Variants in FBLN2 observed in about 807,000 individuals in gnomAD.
FBLN2 encodes the protein fibulin 2.
A neutral mutation model predicts 123.7 loss-of-function variants in FBLN2; 81 were observed. The observed-to-expected ratio is 0.65, with a 90% CI of 0.55 to 0.79. FBLN2 has a LOEUF of 0.79. FBLN2 is among the 30% of genes least tolerant of loss of function. FBLN2 has a pLI of 0.00. For synonymous variants in FBLN2, 699 were observed against 701.4 expected, an observed-to-expected ratio of 1.00 and a Z score of 0.05; for missense variants, 1,603 against 1,681.3, an observed-to-expected ratio of 0.95 and a Z score of 0.81.
Position 13,571,489 on chromosome 3 carries a change from G to A in FBLN2, c.1134G>A (p.Arg378=), listed in dbSNP as rs113071988. 6.6e-3 allele frequency: 10,676 copies of A among 1,613,606 alleles called. 156 individuals are homozygous for A. The highest frequency in any genetic ancestry group is 0.045 in the South Asian group (4,065 of 90,980). Residue 378 remains arginine (R), a synonymous_variant, in exon 2 of 18, where the codon AGG becomes AGA. Coordinates refer to ENST00000404922, the MANE Select transcript of FBLN2 (RefSeq NM_001004019.2). The part of the protein sequence containing the change: ...VPTQAVPGSP[R]DPVKPSPHNI... The stretch of plus-strand genomic sequence containing the variant: ...CTCAGGCCGTGCCTGGCTCTCCCAG[G>A]GACCCAGTCAAGCCCAGCCCCCACA...
intron 1 of FBLN2, among the ~76,000 whole-genome samples, chr3:13,569,986 G>A (rs1415792598): frequency 6.6e-6 from 1 of 152,108 alleles, no homozygotes; most frequent in Non-Finnish European, 1.5e-5. Context: ...GCATGTGTGT[G>A]TGTGGGCACG....
At chr3:13,605,561 C>T (rs915615084) in intron 2 of FBLN2, among the ~76,000 whole-genome samples, 2 of 152,230 alleles carry the variant, frequency 1.3e-5, no homozygotes, top group East Asian at 3.9e-4. Flanking sequence ...CTGACAGCTC[C>T]TGCATGTAGC....
intron 2 of FBLN2, among the ~76,000 whole-genome samples, chr3:13,605,670 C>T (rs1396050335): frequency 2.0e-5 from 3 of 152,184 alleles, no homozygotes; most frequent in African/African-American, 7.2e-5. Flanking sequence ...CATCCTTGTA[C>T]TGGTTGTGTT....
At chr3:13,587,011 G>A (rs956234306) in intron 2 of FBLN2, among the ~76,000 whole-genome samples, 1 of 151,386 alleles carries the variant, frequency 6.6e-6, no homozygotes, top group Non-Finnish European at 1.5e-5. Context: ...CGGTCACAGT[G>A]GCGCAGGGCT....
At chr3:13,561,521 G>A (rs1703606491) in intron 1 of FBLN2, among the ~76,000 whole-genome samples, 3 of 152,078 alleles carry the variant, frequency 2.0e-5, no homozygotes, top group Admixed American at 1.3e-4. Flanking sequence ...GTGTCAGGCT[G>A]GTTTCTGCCT....
In FBLN2 at chr3:13,571,425, C is replaced by T. The variant is rs749401663; in HGVS notation, c.1070C>T (p.Thr357Met). 2.9e-5 allele frequency: 47 copies of T among 1,612,796 alleles called. No individual in the cohort carries two copies. The South Asian group carries it at 3.0e-4, about 10-fold the overall frequency. Residue 357 changes from threonine to methionine, a missense_variant, in exon 2 of 18, where the codon ACG (threonine) becomes ATG (methionine). Thr to Met is a moderately conservative substitution (Grantham distance 81). Transcript: ENST00000404922. ...CGCAGCACTGGGCCGGAGGGCGTGACGCATGCACCGAGCCTGGGCAAGGCT... is the reference window on the plus strand; with the variant it reads ...CGCAGCACTGGGCCGGAGGGCGTGATGCATGCACCGAGCCTGGGCAAGGCT... ...TSRSTGPEGV[T>M]HAPSLGKAAL...
At chr3:13,600,733 A>C (rs1250553894) in intron 2 of FBLN2, among the ~76,000 whole-genome samples, 3 of 150,526 alleles carry the variant, frequency 2.0e-5, no homozygotes, top group Non-Finnish European at 4.4e-5. Flanking sequence ...CTCCTGCCTC[A>C]GCCTCCCAAG....
At position 13,556,477 on chromosome 3, in the gene FBLN2, A is replaced by AC. The variant is rs1253117023; in HGVS notation, c.-42+7274dup. 2.0e-5 allele frequency among the ~76,000 whole-genome samples: 3 copies of AC among 152,180 alleles called. No individual in the cohort carries two copies. In the East Asian group the frequency reaches 5.8e-4, roughly 29 times the overall value. On this transcript the variant is annotated intron_variant, in intron 1 of 17. Transcript: ENST00000404922. ...TCTAAACCTCCTAATGGGGGGCCCC[A>AC]CCCCCTGATACCATCCCACTGGGGT...
At chr3:13,607,614 A>C (rs1705249786) in intron 2 of FBLN2, among the ~76,000 whole-genome samples, 1 of 152,150 alleles carries the variant, frequency 6.6e-6, no homozygotes, top group Non-Finnish European at 1.5e-5. Flanking sequence ...CTGTCTTAGC[A>C]TCTTAGGTTG....
intron 1 of FBLN2, among the ~76,000 whole-genome samples, chr3:13,564,620 G>C (rs532641641): frequency 6.6e-6 from 1 of 152,316 alleles, no homozygotes; most frequent in South Asian, 2.1e-4. Flanking sequence ...GATCTCATCA[G>C]AGCCAGAAGG....
rs1368693144 is a variant in FBLN2, at chr3:13,626,453, G to A, written c.2305G>A (p.Glu769Lys). 3.8e-6 allele frequency: 6 copies of A among 1,582,112 alleles called. No individual in the cohort carries two copies. Among genetic ancestry groups the A allele is most frequent in the Admixed American group, 1.8e-5 (1 of 56,528 alleles). ...CCTCGCTCTCCCTGCAGACATCAAC[G>A]AGTGTGTGACGGACCTGCACACGTG... is the stretch of plus-strand genomic sequence containing the variant. ...NAHRKCVDIN[E>K]CVTDLHTCSR... The change falls in exon 10 of 18, where the codon GAG (glutamate) becomes AAG (lysine). Residue 769 changes from glutamate to lysine, a missense_variant. By Grantham distance (56) the Glu-to-Lys change is moderately conservative. Coordinates refer to ENST00000404922, the MANE Select transcript of FBLN2 (RefSeq NM_001004019.2).
chr3:13,611,088 TA>T (rs1266275666), intron 4 of FBLN2, among the ~76,000 whole-genome samples: 5 of 151,902 alleles, frequency 3.3e-5, no homozygotes, highest in African/African-American at 9.7e-5. Flanking sequence ...TTTGTGTTTT[TA>T]GTAGAGCATA....
At chr3:13,581,166 G>A (rs914922170) in intron 2 of FBLN2, among the ~76,000 whole-genome samples, 2 of 150,902 alleles carry the variant, frequency 1.3e-5, no homozygotes, top group Admixed American at 6.6e-5. Context: ...TGGGGGATAC[G>A]TGGTGCACCT....
chr3:13,570,790 G>A lies in FBLN2; in HGVS notation c.435G>A (p.Lys145=). Reference sequence around the variant, plus strand: ...TGGGCTGCGTCCACGCGGGCCACAAGTACGCCGCTGGCCACACTGTTCACC... The same window carrying A: ...TGGGCTGCGTCCACGCGGGCCACAAATACGCCGCTGGCCACACTGTTCACC... The part of the protein sequence containing the change: ...GQVGCVHAGH[K]YAAGHTVHLP... Residue 145 remains lysine, a synonymous_variant, in exon 2 of 18, where the codon AAG becomes AAA. Transcript: ENST00000404922. The A allele has an allele frequency of 6.3e-7, 1 of 1,596,064 alleles. No homozygotes were observed. The highest frequency in any genetic ancestry group is 8.5e-7 in the Non-Finnish European group (1 of 1,172,378).
chr3:13,635,051 G>A lies in FBLN2; in HGVS notation c.3215-1394G>A, dbSNP rs573563417. On this transcript the variant is annotated intron_variant, in intron 16 of 17. Coordinates refer to ENST00000404922, the MANE Select transcript of FBLN2 (RefSeq NM_001004019.2). ...TCAGGCATGCCTGACTTGCTGCCCC[G>A]CTCGCTGCTGTGTGATCTTGAGCAA... Among the ~76,000 whole-genome samples the A allele has an allele frequency of 9.9e-5, 15 of 152,264 alleles. No individual in the cohort carries two copies. The South Asian group carries it at 3.1e-3, about 32-fold the overall frequency.
intron 1 of FBLN2, among the ~76,000 whole-genome samples, chr3:13,555,851 G>C (rs1158888773): frequency 1.3e-5 from 2 of 152,250 alleles, no homozygotes; most frequent in Non-Finnish European, 2.9e-5. Flanking sequence ...GATTGGTTCA[G>C]AGGGATTCGC....
At chr3:13,618,397 A>T in intron 6 of FBLN2, 112 bp downstream of exon 6, 12 of 953,060 alleles carry the variant, frequency 1.3e-5, no homozygotes, top group Non-Finnish European at 1.7e-5. Context: ...TTACCCCACA[A>T]GTTGGAACCC....
chr3:13,587,846 C>T (rs911844090), intron 2 of FBLN2, among the ~76,000 whole-genome samples: 4 of 152,220 alleles, frequency 2.6e-5, no homozygotes, highest in East Asian at 1.9e-4. Flanking sequence ...TTTAAATTTA[C>T]CTGTGGCCTG....
intron 1 of FBLN2, among the ~76,000 whole-genome samples, chr3:13,549,833 C>A (rs1283849828): frequency 6.6e-6 from 1 of 152,116 alleles, no homozygotes; most frequent in Non-Finnish European, 1.5e-5. Flanking sequence ...CAGAATCTCT[C>A]ACACTCATCT....
Sources: gnomAD v4.1 joint callset for allele counts (sites outside exome capture counted in the v4.1 genomes callset) on GRCh38, gnomAD v4.1.1 for gene constraint, MANE v1.5 for transcripts, NCBI Gene and HGNC (gene_info 2026-07-23, HGNC 2026-07-21) for gene names.